The following SNTG1 variants were observed in gnomAD, a reference collection of about 807,000 sequenced individuals.
SNTG1 encodes syntrophin gamma 1, also known as gamma-1-syntrophin.
In SNTG1, 39 loss-of-function variants were observed where a neutral mutation model predicts 74.7. The ratio of observed to expected loss-of-function variants is 0.52; its 90% CI spans 0.40 to 0.68. The LOEUF is 0.68. Ranked by LOEUF, SNTG1 falls within the 30% of genes least tolerant of loss-of-function variation. The probability of loss-of-function intolerance (pLI) is 0.00; values close to 1 mark genes in which losing one functional copy is unlikely to be tolerated. For missense variants in SNTG1, 685 were observed against 609.5 expected (o/e 1.12, Z -1.30); for synonymous variants, 254 against 217.1 (o/e 1.17, Z -1.49).
intron 1 of SNTG1, among the ~76,000 whole-genome samples, chr8:50,094,586 G>C (rs940979868): frequency 6.6e-6 from 1 of 151,998 alleles, no homozygotes; most frequent in African/African-American, 2.4e-5. Flanking sequence ...GAAAAAAAAT[G>C]CTCCACATCA....
chr8:50,648,030 G>A (rs1035147242), intron 13 of SNTG1, among the ~76,000 whole-genome samples: 2 of 152,034 alleles, frequency 1.3e-5, no homozygotes, highest in South Asian at 2.1e-4. Flanking sequence ...GGCAATGATG[G>A]AAAAGGAAAG....
At chr8:50,175,815 A>G (rs1019815555) in intron 2 of SNTG1, among the ~76,000 whole-genome samples, 3 of 152,208 alleles carry the variant, frequency 2.0e-5, no homozygotes, top group African/African-American at 7.2e-5. Flanking sequence ...TTTTTAAAAA[A>G]TATGGCTGGA....
At chr8:49,945,635 A>G (rs1015711632) in intron 1 of SNTG1, among the ~76,000 whole-genome samples, 2 of 152,128 alleles carry the variant, frequency 1.3e-5, no homozygotes, top group Non-Finnish European at 2.9e-5. Flanking sequence ...GGGTTCATGC[A>G]CTTTGCCTGC....
At position 49,917,702 on chromosome 8, in the gene SNTG1, T is replaced by G. The variant is rs137939960; in HGVS notation, c.-103+5471T>G. Among the ~76,000 whole-genome samples, 61 of 152,300 alleles carry G rather than the reference T, an allele frequency of 4.0e-4. No individual in the cohort carries two copies. In the East Asian group the frequency reaches 0.01, roughly 26 times the overall value. On this transcript the variant is annotated intron_variant, in intron 1 of 18. Transcript: ENST00000642720. ...TACTATCCTCATCACCACATAGTTC[T>G]TTTGTTAATGCTTTGTTCTAGACTT...
chr8:50,295,826 C>T (rs979204619), intron 2 of SNTG1, among the ~76,000 whole-genome samples: 2 of 152,104 alleles, frequency 1.3e-5, no homozygotes, highest in African/African-American at 2.4e-5. Context: ...AAATAAAGTG[C>T]TAAAGACAAG....
intron 18 of SNTG1, among the ~76,000 whole-genome samples, chr8:50,779,278 A>G (rs1354723179): frequency 6.6e-6 from 1 of 152,122 alleles, no homozygotes; most frequent in Admixed American, 6.5e-5. Context: ...CATTGAATCT[A>G]TAAATTATTT....
At chr8:50,678,048 A>G (rs923586952) in intron 15 of SNTG1, among the ~76,000 whole-genome samples, 1 of 151,986 alleles carries the variant, frequency 6.6e-6, no homozygotes, top group Non-Finnish European at 1.5e-5. Flanking sequence ...TGTCACATGT[A>G]TACCTATGTA....
intron 2 of SNTG1, among the ~76,000 whole-genome samples, chr8:50,179,802 G>C (rs576908303): frequency 1.3e-5 from 2 of 152,132 alleles, no homozygotes; most frequent in African/African-American, 2.4e-5. Flanking sequence ...AGGGTGTGGA[G>C]GGAAGGAAAC....
At chr8:50,719,310 A>G (rs1189659426) in intron 17 of SNTG1, among the ~76,000 whole-genome samples, 2 of 152,102 alleles carry the variant, frequency 1.3e-5, no homozygotes, top group African/African-American at 4.8e-5. Context: ...GTGCCCTTAT[A>G]AAAGAAGTTG....
intron 1 of SNTG1, among the ~76,000 whole-genome samples, chr8:49,981,946 G>T (rs1358869753): frequency 1.3e-5 from 2 of 151,818 alleles, no homozygotes; most frequent in Admixed American, 1.3e-4. Flanking sequence ...GTTGTTGTGG[G>T]TGTGAATATT....
At chr8:50,662,983 A>T (rs562577761) in intron 15 of SNTG1, among the ~76,000 whole-genome samples, 2 of 152,182 alleles carry the variant, frequency 1.3e-5, no homozygotes, top group Non-Finnish European at 2.9e-5. Context: ...AACTCACAAA[A>T]ATTCCAGCTG....
rs1413621900 is a variant in SNTG1, at chr8:50,129,559, G to A, written c.-102-43002G>A. Among the ~76,000 whole-genome samples the A allele has an allele frequency of 2.6e-5, 4 of 152,130 alleles. No individual in the cohort carries two copies. In the East Asian group the frequency reaches 7.7e-4, roughly 29 times the overall value. On this transcript the variant is annotated intron_variant, in intron 1 of 18. Coordinates refer to ENST00000642720, the MANE Select transcript of SNTG1 (RefSeq NM_018967.5). ...TATGGGTAACAATTTTACCTACAGA[G>A]TTGCCCTCACAGGATCTGTGGGTTT...
intron 8 of SNTG1, among the ~76,000 whole-genome samples, chr8:50,487,579 T>G (rs148151117): frequency 6.6e-6 from 1 of 151,338 alleles, no homozygotes; most frequent in African/African-American, 2.4e-5. Context: ...CAGTAAACTA[T>G]CGCAAGATCA....
At chr8:50,651,743 C>A (rs899021709) in intron 13 of SNTG1, among the ~76,000 whole-genome samples, 31 of 151,604 alleles carry the variant, frequency 2.0e-4, no homozygotes, top group African/African-American at 7.0e-4. Context: ...AGGTATAAAC[C>A]ACCTCACCTG....
At chr8:50,776,804 C>G (rs939210283) in intron 18 of SNTG1, among the ~76,000 whole-genome samples, 11 of 151,728 alleles carry the variant, frequency 7.2e-5, no homozygotes, top group African/African-American at 2.7e-4. Context: ...TTTTCTTTAG[C>G]TGAGAATGTC....
At chr8:50,330,911 C>T (rs1000962057) in intron 2 of SNTG1, among the ~76,000 whole-genome samples, 2 of 152,154 alleles carry the variant, frequency 1.3e-5, no homozygotes, top group African/African-American at 2.4e-5. Context: ...CCTCCCTTGA[C>T]ATGTGAGGAT....
At chr8:50,735,155 G>C (rs373551407) in intron 17 of SNTG1, among the ~76,000 whole-genome samples, 3 of 151,230 alleles carry the variant, frequency 2.0e-5, no homozygotes, top group African/African-American at 7.3e-5. Flanking sequence ...CTTCCTGCCC[G>C]ACATATTGGA....
chr8:50,725,912 G>A (rs1032684306), intron 17 of SNTG1, among the ~76,000 whole-genome samples: 4 of 152,098 alleles, frequency 2.6e-5, no homozygotes, highest in Admixed American at 6.6e-5. Flanking sequence ...CTCTACCCAC[G>A]CTTCCTGAGT....
At chr8:50,579,278 G>A (rs1026348835) in intron 12 of SNTG1, among the ~76,000 whole-genome samples, 52 of 152,166 alleles carry the variant, frequency 3.4e-4, no homozygotes, top group African/African-American at 1.2e-3. Context: ...ACTTGAGAGA[G>A]ATGATTTAGG....
Sources: gnomAD v4.1 joint callset for allele counts (sites outside exome capture counted in the v4.1 genomes callset) on GRCh38, gnomAD v4.1.1 for gene constraint, MANE v1.5 for transcripts, NCBI Gene and HGNC (gene_info 2026-07-23, HGNC 2026-07-21) for gene names.